HNMT: variants seen among roughly 807,000 people sequenced by gnomAD.
HNMT encodes histamine N-methyltransferase.
Under a neutral mutation model 32.1 loss-of-function variants are expected in HNMT, and 30 were observed. That is an observed-to-expected ratio of 0.93 (90% CI 0.70 to 1.27). The LOEUF (loss-of-function observed/expected upper bound fraction) is 1.27, where lower values mean the gene tolerates loss of function less well. Ranked by LOEUF, HNMT falls within the 50% of genes most tolerant of loss-of-function variation. The pLI, the probability that HNMT is intolerant of heterozygous loss-of-function variation, is 0.00. For synonymous variants in HNMT, 125 were observed against 119.0 expected (o/e 1.05, Z -0.33); for missense variants, 327 against 346.0 (o/e 0.95, Z 0.43).
intron 1 of HNMT, among the ~76,000 whole-genome samples, chr2:137,965,184 AAG>A (rs1343530280): frequency 6.6e-6 from 1 of 152,204 alleles, no homozygotes; most frequent in East Asian, 1.9e-4. Flanking sequence ...TCCTTAAAAA[AAG>A]AACCATTTTC....
chr2:137,973,003 T>G (rs1680181610), intron 2 of HNMT, among the ~76,000 whole-genome samples: 2 of 152,194 alleles, frequency 1.3e-5, no homozygotes, highest in Non-Finnish European at 2.9e-5. Flanking sequence ...CTCTTGGAGT[T>G]CTTCTGACTG....
At position 137,981,162 on chromosome 2, in the gene HNMT, G is replaced by A. The variant is rs1163137716; in HGVS notation, c.190+10945G>A. On this transcript the variant is annotated intron_variant, in intron 2 of 5. Coordinates refer to ENST00000280097, the MANE Select transcript of HNMT (RefSeq NM_006895.3). ...AAAGAAGCAGGGATAGGCTGAAATCGAATGGCAGGAGATATGGCCACAGTC... is the reference window on the plus strand; with the variant it reads ...AAAGAAGCAGGGATAGGCTGAAATCAAATGGCAGGAGATATGGCCACAGTC... The A allele has an allele frequency of 5.7e-5, 89 of 1,553,092 alleles. No individual in the cohort carries two copies. In the South Asian group the frequency reaches 1.0e-3, roughly 18 times the overall value.
chr2:137,989,302 A>G (rs1208231690), intron 2 of HNMT, among the ~76,000 whole-genome samples: 1 of 152,132 alleles, frequency 6.6e-6, no homozygotes, highest in Non-Finnish European at 1.5e-5. Flanking sequence ...CTTTTCCAGA[A>G]TGTCATCTAG....
intron 2 of HNMT, among the ~76,000 whole-genome samples, chr2:137,985,213 A>T (rs1056392611): frequency 2.0e-5 from 3 of 152,140 alleles, no homozygotes; most frequent in Non-Finnish European, 4.4e-5. Flanking sequence ...AAAAAAAAAA[A>T]AAAAGATTAA....
At chr2:138,007,397 C>G (rs1485336557) in intron 5 of HNMT, among the ~76,000 whole-genome samples, 2 of 151,880 alleles carry the variant, frequency 1.3e-5, no homozygotes, top group Non-Finnish European at 2.9e-5. Context: ...AAAAATAATT[C>G]TACCTGAAAA....
At chr2:137,967,207 T>G in intron 1 of HNMT, 1 of 725,160 alleles carries the variant, frequency 1.4e-6, no homozygotes, top group Non-Finnish European at 2.5e-6. Flanking sequence ...GCCTAGGAGT[T>G]TGAGACCAGC....
intron 2 of HNMT, chr2:137,991,676 A>G (rs941308709): frequency 1.3e-5 from 2 of 152,220 alleles, no homozygotes; most frequent in Admixed American, 6.5e-5. Context: ...ATATACACAC[A>G]TTTCTATAAA....
intron 4 of HNMT, among the ~76,000 whole-genome samples, chr2:138,004,234 G>A (rs1573675705): frequency 6.6e-6 from 1 of 152,090 alleles, no homozygotes; most frequent in East Asian, 1.9e-4. Context: ...TATGGTCCCT[G>A]TGGTGGAAAA....
intron 2 of HNMT, among the ~76,000 whole-genome samples, chr2:137,973,639 G>A (rs1339045203): frequency 6.6e-6 from 1 of 152,092 alleles, no homozygotes; most frequent in Non-Finnish European, 1.5e-5. Context: ...ACATGGCTTT[G>A]GTGCAAATAT....
At chr2:137,990,876 A>G (rs13433021) in intron 2 of HNMT, among the ~76,000 whole-genome samples, 1,976 of 152,124 alleles carry the variant, frequency 0.013, 42 homozygotes, top group African/African-American at 0.045. Context: ...ATTCAATTCA[A>G]TTCTGATGCT....
chr2:137,970,966 A>G (rs1680117089), intron 2 of HNMT, among the ~76,000 whole-genome samples: 2 of 147,064 alleles, frequency 1.4e-5, no homozygotes, highest in South Asian at 2.2e-4. Context: ...AGAAAGAAAG[A>G]AAGAAAAAAG....
intron 2 of HNMT, among the ~76,000 whole-genome samples, chr2:137,984,635 A>G (rs929865726): frequency 6.6e-6 from 1 of 152,158 alleles, no homozygotes; most frequent in Non-Finnish European, 1.5e-5. Flanking sequence ...GATTTTTGAT[A>G]CTTGTTGGTT....
intron 5 of HNMT, among the ~76,000 whole-genome samples, chr2:138,011,720 C>A (rs752053597): frequency 4.6e-5 from 7 of 152,112 alleles, no homozygotes; most frequent in Non-Finnish European, 8.8e-5. Flanking sequence ...ATCCTAGAAG[C>A]ACAAAGAAAG....
At chr2:137,987,825 TC>T (rs550832689) in intron 2 of HNMT, among the ~76,000 whole-genome samples, 177 of 152,206 alleles carry the variant, frequency 1.2e-3, no homozygotes, top group African/African-American at 4.1e-3. Context: ...ATAATTTAGA[TC>T]AGGAAAGACA....
At chr2:137,990,696 C>G (rs191263465) in intron 2 of HNMT, among the ~76,000 whole-genome samples, 28 of 152,152 alleles carry the variant, frequency 1.8e-4, no homozygotes, top group African/African-American at 6.0e-4. Context: ...TGTATATATA[C>G]CCACACATAT....
intron 1 of HNMT, among the ~76,000 whole-genome samples, chr2:137,965,461 T>C (rs1229302553): frequency 6.6e-6 from 1 of 152,206 alleles, no homozygotes; most frequent in Non-Finnish European, 1.5e-5. Context: ...TTTTGCTGAA[T>C]TTCTCTATTG....
At position 137,974,004 on chromosome 2, in the gene HNMT, G is replaced by C. The variant is rs192694736; in HGVS notation, c.190+3787G>C. On this transcript the variant is annotated intron_variant, in intron 2 of 5. Transcript: ENST00000280097. Reference sequence around the variant, plus strand: ...GTTCAAAAGAAAGGTAGATGACTCTGAGTCATCTACCATATCAATAAATTA... The same window carrying C: ...GTTCAAAAGAAAGGTAGATGACTCTCAGTCATCTACCATATCAATAAATTA... Among the ~76,000 whole-genome samples, 10 of 152,056 alleles carry C rather than the reference G, an allele frequency of 6.6e-5. No individual in the cohort carries two copies. The East Asian group carries it at 1.9e-3, about 29-fold the overall frequency.
intron 2 of HNMT, among the ~76,000 whole-genome samples, chr2:137,994,509 C>A (rs1243301066): frequency 6.6e-6 from 1 of 152,112 alleles, no homozygotes; most frequent in Non-Finnish European, 1.5e-5. Flanking sequence ...TACAAGAGCA[C>A]CCAGATTCAT....
chr2:138,015,781 A>G lies in HNMT; in HGVS notation c.*1651A>G, dbSNP rs1328829029. On this transcript the variant is annotated 3_prime_UTR_variant, in exon 6 of 6. Coordinates refer to ENST00000280097, the MANE Select transcript of HNMT (RefSeq NM_006895.3). Reference sequence around the variant, plus strand: ...AAGTATGGAAATCAAGACTTTACAGAGTCTTTTGTATAAAGCACACGTGCA... The same window carrying G: ...AAGTATGGAAATCAAGACTTTACAGGGTCTTTTGTATAAAGCACACGTGCA... 1 of 152,184 alleles carries G rather than the reference A, an allele frequency of 6.6e-6. No homozygotes were observed. Among genetic ancestry groups the G allele is most frequent in the Non-Finnish European group, 1.5e-5 (1 of 68,014 alleles). 9.4% of individuals were successfully genotyped at this position (152,184 alleles called of 1,614,324 possible).
Sources: allele counts gnomAD v4.1 joint callset (sites outside exome capture counted in the v4.1 genomes callset), GRCh38; gene constraint gnomAD v4.1.1; transcripts MANE v1.5; gene names NCBI Gene and HGNC (gene_info 2026-07-23, HGNC 2026-07-21).